SHCBP1: variants seen among roughly 807,000 people sequenced by gnomAD.
The protein encoded by SHCBP1 is SHC SH2 domain-binding protein 1.
SHCBP1 carries 60 observed loss-of-function variants against 75.1 expected under a neutral mutation model. The observed-to-expected ratio is 0.80, with a 90% CI of 0.65 to 0.99. SHCBP1 has a LOEUF of 0.99. SHCBP1 is among the 50% of genes least tolerant of loss of function. The probability of loss-of-function intolerance (pLI) is 0.00; values close to 1 mark genes in which losing one functional copy is unlikely to be tolerated. For missense variants in SHCBP1, 709 were observed against 809.4 expected (o/e 0.88, Z 1.50); for synonymous variants, 290 against 293.2 (o/e 0.99, Z 0.11).
rs1160920617 is a variant in SHCBP1, at chr16:46,578,798, C to A, written c.*2931G>T. ...TATTTCAACTTAATTTCCATAGAAG[C>A]CTGTGGAATGTACTTCCTAGAAAGG... On this transcript the variant is annotated 3_prime_UTR_variant, in exon 13 of 13. Transcript: ENST00000303383. Among the ~76,000 whole-genome samples, 4 of 152,070 alleles carry A rather than the reference C, an allele frequency of 2.6e-5. No individual in the cohort carries two copies. The highest frequency in any genetic ancestry group is 2.6e-4 in the Admixed American group (4 of 15,266).
chr16:46,586,804 G>A (rs920811324), intron 10 of SHCBP1, among the ~76,000 whole-genome samples: 5 of 151,934 alleles, frequency 3.3e-5, no homozygotes, highest in Admixed American at 3.3e-4. Flanking sequence ...ATTGTTCAAG[G>A]GCTAAAAGAA....
In SHCBP1 at chr16:46,579,272, G is replaced by A. The variant is rs981174825; in HGVS notation, c.*2457C>T. Reference sequence around the variant, plus strand: ...AAATATCAAACCCATACCCCTCTAGGGCACTCCCTAAATTCCCTATGCTAT... The same window carrying A: ...AAATATCAAACCCATACCCCTCTAGAGCACTCCCTAAATTCCCTATGCTAT... On this transcript the variant is annotated 3_prime_UTR_variant, in exon 13 of 13. Coordinates refer to ENST00000303383, the MANE Select transcript of SHCBP1 (RefSeq NM_024745.5). 2.0e-5 allele frequency among the ~76,000 whole-genome samples: 3 copies of A among 151,916 alleles called. No individual in the cohort carries two copies. The highest frequency in any genetic ancestry group is 4.1e-4 in the South Asian group (2 of 4,826).
chr16:46,601,630 C>T (rs1965238351), intron 8 of SHCBP1, among the ~76,000 whole-genome samples: 1 of 152,142 alleles, frequency 6.6e-6, no homozygotes. Context: ...TGGAATGCTA[C>T]CAGGGGTGGA....
intron 9 of SHCBP1, among the ~76,000 whole-genome samples, chr16:46,598,023 C>G (rs1460860630): frequency 6.6e-6 from 1 of 152,204 alleles, no homozygotes; most frequent in African/African-American, 2.4e-5. Flanking sequence ...TGAGGTTCTA[C>G]TTGCTATCAT....
At chr16:46,614,550 A>G (rs1486098367) in intron 4 of SHCBP1, among the ~76,000 whole-genome samples, 1 of 152,188 alleles carries the variant, frequency 6.6e-6, no homozygotes. Flanking sequence ...TTTCTTTCCC[A>G]AGGAAGGGAC....
rs1318587523 is a variant in SHCBP1, at chr16:46,580,850, T to C, written c.*879A>G. 2 of 152,020 alleles carry C rather than the reference T, an allele frequency of 1.3e-5. No homozygotes were observed. Among genetic ancestry groups the C allele is most frequent in the Non-Finnish European group, 2.9e-5 (2 of 68,020 alleles). 9.4% of individuals were successfully genotyped at this position (152,020 alleles called of 1,614,324 possible). On this transcript the variant is annotated 3_prime_UTR_variant, in exon 13 of 13. Coordinates refer to ENST00000303383, the MANE Select transcript of SHCBP1 (RefSeq NM_024745.5). ...CTCAACCTCCTGGGCTCAAGGATCC[T>C]CTAGCCTCAGCCTCCTGAGTAGCTG...
Position 46,581,824 on chromosome 16 carries a change from C to T in SHCBP1, c.1924G>A (p.Asp642Asn), listed in dbSNP as rs762773714. 6.2e-6 allele frequency: 10 copies of T among 1,614,098 alleles called. No individual in the cohort carries two copies. The highest frequency in any genetic ancestry group is 2.7e-5 in the African/African-American group (2 of 74,926). The change falls in exon 13 of 13, where the codon GAT (aspartate) becomes AAT (asparagine). Residue 642 changes from aspartate to asparagine, a missense_variant. Physicochemically the swap from Asp to Asn is conservative, Grantham distance 23. Coordinates refer to ENST00000303383, the MANE Select transcript of SHCBP1 (RefSeq NM_024745.5). The part of the protein sequence containing the change: ...RLSELGITQA[D>N]DNLMSQEMFV... ...ATCTCCTGTGACATTAAGTTGTCATCAGCTTGCGTGATCCCCAGTTCACTC... is the reference window on the plus strand; with the variant it reads ...ATCTCCTGTGACATTAAGTTGTCATTAGCTTGCGTGATCCCCAGTTCACTC...
At chr16:46,606,141 A>G (rs1965324331) in intron 5 of SHCBP1, among the ~76,000 whole-genome samples, 1 of 152,192 alleles carries the variant, frequency 6.6e-6, no homozygotes, top group East Asian at 1.9e-4. Context: ...TTTTCATTAT[A>G]TTGATACTTC....
chr16:46,581,534 G>C lies in SHCBP1; in HGVS notation c.*195C>G. 1 of 541,858 alleles carries C rather than the reference G, an allele frequency of 1.8e-6. No homozygotes were observed. Among genetic ancestry groups the C allele is most frequent in the Non-Finnish European group, 3.2e-6 (1 of 310,160 alleles). The allele number at this position is 541,858 out of a possible 1,614,324, so 33.6% of individuals were successfully genotyped here. ...TCTCCAAATATTTTCTATTTTATAT[G>C]CATTTATGATTTTTCTTATAAAGAG... is the stretch of plus-strand genomic sequence containing the variant. On this transcript the variant is annotated 3_prime_UTR_variant, in exon 13 of 13. Coordinates refer to ENST00000303383, the MANE Select transcript of SHCBP1 (RefSeq NM_024745.5).
At chr16:46,600,048 A>C in intron 8 of SHCBP1, 86 bp from the exon 9 acceptor site, 1 of 1,451,502 alleles carries the variant, frequency 6.9e-7, no homozygotes, top group South Asian at 1.3e-5. Flanking sequence ...CTCTAGTTTA[A>C]ATGACTGCAG....
chr16:46,620,887 T>C (rs1965577318), intron 1 of SHCBP1: 1 of 187,604 alleles, frequency 5.3e-6, no homozygotes, highest in African/African-American at 2.3e-5. Context: ...AAGGGAAGTG[T>C]GGTTCGTGAT....
chr16:46,617,827 C>T, intron 2 of SHCBP1, 78 bp from the exon 3 acceptor site: 2 of 1,105,764 alleles, frequency 1.8e-6, no homozygotes, highest in Non-Finnish European at 2.7e-6. Flanking sequence ...TTCTCAGAAA[C>T]AACTGGCAAT....
intron 1 of SHCBP1, among the ~76,000 whole-genome samples, chr16:46,619,671 T>C (rs557961767): frequency 2.0e-5 from 3 of 152,354 alleles, no homozygotes; most frequent in South Asian, 2.1e-4. Context: ...CATTCTTTTT[T>C]TTTCCAGCAC....
chr16:46,595,162 T>C (rs1018669448), intron 10 of SHCBP1, among the ~76,000 whole-genome samples: 3 of 152,230 alleles, frequency 2.0e-5, no homozygotes, highest in African/African-American at 7.2e-5. Context: ...GGGAATATTC[T>C]TCTACTGACA....
At chr16:46,600,152 C>G (rs1381060802) in intron 8 of SHCBP1, among the ~76,000 whole-genome samples, 190 bp from the exon 9 acceptor site, 1 of 152,158 alleles carries the variant, frequency 6.6e-6, no homozygotes, top group Non-Finnish European at 1.5e-5. Flanking sequence ...CAATTTTTAA[C>G]AATAACAACT....
rs1965481214 is a variant in SHCBP1 at position 46,615,557 on chromosome 16, T to C, written c.596+389A>G. On this transcript the variant is annotated intron_variant, in intron 4 of 12. Transcript: ENST00000303383. ...GAGTTCGAGACTGACCTGGCCAACA[T>C]AGTGAAACCTCATCTCTACTAAAAA... Among the ~76,000 whole-genome samples, 4 of 152,060 alleles carry C rather than the reference T, an allele frequency of 2.6e-5. 1 individual carries two copies. The highest frequency in any genetic ancestry group is 2.6e-4 in the Admixed American group (4 of 15,280).
intron 4 of SHCBP1, among the ~76,000 whole-genome samples, chr16:46,612,090 G>C (rs907592163): frequency 6.6e-6 from 1 of 152,160 alleles, no homozygotes; most frequent in Admixed American, 6.5e-5. Context: ...GGAAAAGCTG[G>C]CCAAGATGAC....
chr16:46,582,556 G>T (rs913824061), intron 12 of SHCBP1, among the ~76,000 whole-genome samples: 2 of 152,184 alleles, frequency 1.3e-5, no homozygotes, highest in East Asian at 1.9e-4. Flanking sequence ...GAGATGGGGG[G>T]GCCATGAGGC....
intron 10 of SHCBP1, among the ~76,000 whole-genome samples, chr16:46,593,038 T>C (rs1174901250): frequency 3.3e-5 from 5 of 151,162 alleles, no homozygotes; most frequent in Admixed American, 3.3e-4. Flanking sequence ...TTCTTTTTGA[T>C]GGAATACTAA....
Sources: allele counts gnomAD v4.1 joint callset (sites outside exome capture counted in the v4.1 genomes callset), GRCh38; gene constraint gnomAD v4.1.1; transcripts MANE v1.5; gene names NCBI Gene and HGNC (gene_info 2026-07-23, HGNC 2026-07-21).